TSHZ2: variants seen among roughly 807,000 people sequenced by gnomAD.
TSHZ2 encodes teashirt homolog 2.
Under a neutral mutation model 74.4 loss-of-function variants are expected in TSHZ2, and 21 were observed. The observed-to-expected ratio is 0.28, with a 90% CI of 0.20 to 0.41. TSHZ2 has a LOEUF of 0.41. Among genes scored for constraint, TSHZ2 ranks in the 10% least tolerant of loss-of-function variants. The pLI is 1.00. For synonymous variants in TSHZ2, 540 were observed against 515.3 expected, an observed-to-expected ratio of 1.05 and a Z score of -0.65; for missense variants, 1,244 against 1,293.5, an observed-to-expected ratio of 0.96 and a Z score of 0.59.
intron 2 of TSHZ2, among the ~76,000 whole-genome samples, chr20:53,344,589 A>G (rs1408055051): frequency 6.6e-6 from 1 of 152,220 alleles, no homozygotes; most frequent in African/African-American, 2.4e-5. Flanking sequence ...AAAGAAGAGA[A>G]AAATCACTGA....
chr20:53,343,020 G>T (rs1184413102), intron 2 of TSHZ2, among the ~76,000 whole-genome samples: 5 of 128,044 alleles, frequency 3.9e-5, no homozygotes, highest in Non-Finnish European at 7.8e-5. Flanking sequence ...AGGCTGGAGT[G>T]CAGTGGCACA....
intron 1 of TSHZ2, among the ~76,000 whole-genome samples, chr20:53,135,031 CACACAA>C (rs1987209266): frequency 6.7e-6 from 1 of 149,138 alleles, no homozygotes; most frequent in African/African-American, 2.6e-5. Flanking sequence ...CACACACACA[CACACAA>C]GGGTTGTGGC....
At chr20:53,418,504 G>A (rs905601700) in intron 2 of TSHZ2, among the ~76,000 whole-genome samples, 9 of 152,140 alleles carry the variant, frequency 5.9e-5, no homozygotes, top group Admixed American at 2.6e-4. Context: ...TGAAAGGCAC[G>A]TCTCACATGG....
intron 1 of TSHZ2, among the ~76,000 whole-genome samples, chr20:53,037,932 G>C (rs2123085224): frequency 6.6e-6 from 1 of 152,120 alleles, no homozygotes; most frequent in East Asian, 2.0e-4. Flanking sequence ...GCCTGGGTCT[G>C]CTTGGTTGGG....
At chr20:53,215,019 T>G (rs1989401959) in intron 1 of TSHZ2, among the ~76,000 whole-genome samples, 1 of 152,150 alleles carries the variant, frequency 6.6e-6, no homozygotes, top group Non-Finnish European at 1.5e-5. Flanking sequence ...CAATGGACAC[T>G]GAGATCGGGC....
At chr20:53,143,821 C>T (rs796924190) in intron 1 of TSHZ2, among the ~76,000 whole-genome samples, 7 of 152,246 alleles carry the variant, frequency 4.6e-5, no homozygotes, top group African/African-American at 1.7e-4. Flanking sequence ...TTTATCAAGA[C>T]AGGAGAGTGG....
intron 2 of TSHZ2, among the ~76,000 whole-genome samples, chr20:53,415,799 T>TATAC (rs747654340): frequency 0.15 from 21,771 of 145,218 alleles, 2,160 homozygotes; most frequent in East Asian, 0.49. Flanking sequence ...TGTGTAGATA[T>TATAC]ACACACACAC....
intron 1 of TSHZ2, among the ~76,000 whole-genome samples, chr20:53,181,406 T>TA (rs1444198258): frequency 3.3e-5 from 5 of 152,162 alleles, no homozygotes; most frequent in Admixed American, 2.0e-4. Flanking sequence ...GAAGACAGTC[T>TA]AAATAGATTC....
At position 53,020,579 on chromosome 20, in the gene TSHZ2, T is replaced by C. The variant is rs142269557; in HGVS notation, c.40+47246T>C. 5.1e-3 allele frequency among the ~76,000 whole-genome samples: 784 copies of C among 152,286 alleles called. 12 individuals are homozygous for C. The highest frequency in any genetic ancestry group is 0.037 in the Admixed American group (567 of 15,286). ...GAGGTCTTGGCTCTTGAAATACTGG[T>C]CACATTCCAATTAAACAGATTGTCA... On this transcript the variant is annotated intron_variant, in intron 1 of 2. Transcript: ENST00000371497.
chr20:53,109,596 G>T (rs910575559), intron 1 of TSHZ2, among the ~76,000 whole-genome samples: 3 of 152,032 alleles, frequency 2.0e-5, no homozygotes, highest in African/African-American at 4.8e-5. Flanking sequence ...CTGCAATATT[G>T]TGCACAGAAT....
chr20:53,247,234 T>G (rs1432947594), intron 1 of TSHZ2, among the ~76,000 whole-genome samples: 1 of 152,204 alleles, frequency 6.6e-6, no homozygotes, highest in Admixed American at 6.5e-5. Context: ...TTTTTGAACA[T>G]TTTTCTGTTT....
chr20:53,073,176 C>G (rs562686242), intron 1 of TSHZ2, among the ~76,000 whole-genome samples: 37 of 151,178 alleles, frequency 2.4e-4, no homozygotes, highest in Admixed American at 1.4e-3. Context: ...CTTCATCCAT[C>G]TATCCCTCCA....
chr20:53,077,713 G>A (rs944432311), intron 1 of TSHZ2, among the ~76,000 whole-genome samples: 2 of 152,142 alleles, frequency 1.3e-5, no homozygotes, highest in Non-Finnish European at 2.9e-5. Flanking sequence ...AACAAAGCCT[G>A]ACAAAAGGCC....
chr20:53,185,267 T>C, intron 1 of TSHZ2: 1 of 1,014,728 alleles, frequency 9.9e-7, no homozygotes, highest in Non-Finnish European at 1.2e-6. Flanking sequence ...TAAAACCTCG[T>C]GGGTTCAAAT....
chr20:53,326,529 TG>T (rs1170188686), intron 2 of TSHZ2, among the ~76,000 whole-genome samples: 1 of 152,182 alleles, frequency 6.6e-6, no homozygotes, highest in Non-Finnish European at 1.5e-5. Flanking sequence ...GCAATATTAA[TG>T]GGAAGGGGTG....
chr20:53,189,610 C>T (rs1156438294), intron 1 of TSHZ2, among the ~76,000 whole-genome samples: 5 of 152,140 alleles, frequency 3.3e-5, no homozygotes, highest in Non-Finnish European at 7.3e-5. Context: ...TATCCTCATC[C>T]TCATCATCCT....
rs1031809454 is a variant in TSHZ2 at position 53,493,988 on chromosome 20, G to C, written c.*6853G>C. 3 of 152,170 alleles carry C rather than the reference G, an allele frequency of 2.0e-5. No homozygotes were observed. The highest frequency in any genetic ancestry group is 7.2e-5 in the African/African-American group (3 of 41,410). 9.4% of individuals were successfully genotyped at this position (152,170 alleles called of 1,614,324 possible). A position where few individuals can be genotyped will look rare whatever the true frequency, so the allele number is the denominator to read the frequency against. On this transcript the variant is annotated 3_prime_UTR_variant, in exon 3 of 3. Transcript: ENST00000371497. ...AACCACTGGAAATGATGGCTTTCCTGCTTGAAACGAAGGGGGCCAGGTGCA... is the reference window on the plus strand; with the variant it reads ...AACCACTGGAAATGATGGCTTTCCTCCTTGAAACGAAGGGGGCCAGGTGCA...
intron 2 of TSHZ2, chr20:53,421,538 G>A (rs1012598645): frequency 8.7e-6 from 2 of 228,626 alleles, no homozygotes; most frequent in South Asian, 7.1e-5. Flanking sequence ...GATGGCAAGC[G>A]TGTGATGTTT....
rs781748778 is a variant in TSHZ2, at chr20:53,254,181, A to C, written c.723A>C (p.Gln241His). The C allele has an allele frequency of 6.2e-7, 1 of 1,614,202 alleles. No homozygotes were observed. Among genetic ancestry groups the C allele is most frequent in the Non-Finnish European group, 8.5e-7 (1 of 1,180,040 alleles). Residue 241 changes from glutamine (Q) to histidine (H), a missense_variant, in exon 2 of 3, where the codon CAA (glutamine) becomes CAC (histidine). Around this residue, in one of 6 missense-constraint regions of TSHZ2, gnomAD observed 470 missense variants for 456.5 expected, o/e 1.03. Transcript: ENST00000371497. ...TVHMNETGHYQDDNRKKDKLR... is the reference protein window; with the variant it reads ...TVHMNETGHYHDDNRKKDKLR... ...ACATGAATGAAACGGGCCACTATCA[A>C]GATGACAACCGCAAAAAGGACAAGC...
Sources: allele counts gnomAD v4.1 joint callset (sites outside exome capture counted in the v4.1 genomes callset), GRCh38; gene constraint gnomAD v4.1.1; regional missense constraint gnomAD v4.1.1; transcripts MANE v1.5; gene names NCBI Gene and HGNC (gene_info 2026-07-23, HGNC 2026-07-21).